The following KAZN variants were observed in gnomAD, a reference collection of about 807,000 sequenced individuals.
KAZN encodes kazrin, periplakin interacting protein.
A neutral mutation model predicts 87.4 loss-of-function variants in KAZN; 40 were observed. That is an observed-to-expected ratio of 0.46 (90% confidence interval 0.36 to 0.60). The LOEUF (loss-of-function observed/expected upper bound fraction) is 0.60, where lower values mean the gene tolerates loss of function less well. KAZN is among the 20% of genes least tolerant of loss of function. The pLI is 0.00. For synonymous variants in KAZN, 466 were observed against 458.3 expected (o/e 1.02, Z -0.22); for missense variants, 898 against 1,073.9 (o/e 0.84, Z 2.29).
intron 8 of KAZN, among the ~76,000 whole-genome samples, chr1:15,068,991 T>A (rs1639388749): frequency 6.6e-6 from 1 of 151,136 alleles, no homozygotes; most frequent in African/African-American, 2.4e-5. Flanking sequence ...CTTAGGGCCA[T>A]CTACCCCAGC....
intron 1 of KAZN, among the ~76,000 whole-genome samples, chr1:14,640,600 G>C (rs1456840142): frequency 6.6e-6 from 1 of 152,056 alleles, no homozygotes; most frequent in Non-Finnish European, 1.5e-5. Context: ...CACTCTGCAG[G>C]GTCCTTAGCA....
chr1:15,094,971 A>G lies in KAZN; in HGVS notation c.1547+38A>G, dbSNP rs1024327152. On this transcript the variant is annotated intron_variant, in intron 10 of 14. Transcript: ENST00000376030. This position sits in a 1 kb window ranked among gnomAD's most constrained non-coding sequence, Gnocchi z 4.5. The stretch of plus-strand genomic sequence containing the variant: ...CGAGGGGCCCCGGGGGAGGAGAGAA[A>G]AAGTCATCCTGAGGCCTTTGGTCAC... The G allele has an allele frequency of 4.9e-6, 7 of 1,438,986 alleles. No individual in the cohort carries two copies. Among genetic ancestry groups the G allele is most frequent in the African/African-American group, 1.4e-5 (1 of 70,752 alleles). 89.1% of individuals were successfully genotyped at this position (1,438,986 alleles called of 1,614,324 possible). A position where few individuals can be genotyped will look rare whatever the true frequency, so the allele number is the denominator to read the frequency against.
chr1:15,109,948 T>TTTGTGC (rs879320065), intron 13 of KAZN, among the ~76,000 whole-genome samples: 3 of 150,912 alleles, frequency 2.0e-5, no homozygotes, highest in African/African-American at 7.3e-5. Context: ...TGTGTTTGTG[T>TTTGTGC]ATGTGTTTGT....
intron 1 of KAZN, among the ~76,000 whole-genome samples, chr1:14,179,751 T>C (rs1344082864): frequency 1.3e-5 from 2 of 152,214 alleles, no homozygotes; most frequent in African/African-American, 2.4e-5. Context: ...GTTCTAGTTT[T>C]TGGGGAGATG....
chr1:14,699,567 T>C (rs962475122), intron 1 of KAZN, among the ~76,000 whole-genome samples: 1 of 152,114 alleles, frequency 6.6e-6, no homozygotes, highest in African/African-American at 2.4e-5. Flanking sequence ...TTATAGGCTG[T>C]AGAAGTTACA....
chr1:14,537,257 C>G (rs903082858), intron 2 of KAZN, among the ~76,000 whole-genome samples: 1 of 152,168 alleles, frequency 6.6e-6, no homozygotes, highest in Non-Finnish European at 1.5e-5. Context: ...CCTGCTGAAC[C>G]CATGCAGGCT....
At chr1:14,466,660 T>TA (rs566876952) in intron 2 of KAZN, among the ~76,000 whole-genome samples, 8,582 of 130,296 alleles carry the variant, frequency 0.066, 369 homozygotes, top group East Asian at 0.19. Context: ...AAACTAAATT[T>TA]AAAAAAAAAA....
rs564102728 is a variant in KAZN at position 14,654,953 on chromosome 1, C to T, written c.226+55730C>T. On this transcript the variant is annotated intron_variant, in intron 1 of 14. Transcript: ENST00000376030. ...TGGAGCAGCTGTTCATTTTGTTGAA[C>T]AAGAGTAGCTGGGGGGCCCACTGAC... Among the ~76,000 whole-genome samples, 3 of 152,318 alleles carry T rather than the reference C, an allele frequency of 2.0e-5. No individual in the cohort carries two copies. The East Asian group carries it at 5.8e-4, about 29-fold the overall frequency.
chr1:14,584,534 T>G (rs1355615259), intron 2 of KAZN, among the ~76,000 whole-genome samples: 3 of 152,212 alleles, frequency 2.0e-5, no homozygotes, highest in Non-Finnish European at 4.4e-5. Context: ...AACCAGTGCT[T>G]GCCAAGTTTC....
rs184425124 is a variant in KAZN, at chr1:14,463,713, C to T, written c.250-135270C>T. ...AAAAAATGAGATGAAATCCAGGCAC[C>T]GTCCTCAGCCCAAGCGTCTCTCAGG... On this transcript the variant is annotated intron_variant, in intron 2 of 16. Transcript: ENST00000636203. Among the ~76,000 whole-genome samples the T allele has an allele frequency of 2.3e-4, 35 of 152,158 alleles. No individual in the cohort carries two copies. The South Asian group carries it at 4.4e-3, about 19-fold the overall frequency.
At chr1:14,211,633 G>T (rs970311408) in intron 2 of KAZN, among the ~76,000 whole-genome samples, 6 of 152,128 alleles carry the variant, frequency 3.9e-5, no homozygotes, top group African/African-American at 1.4e-4. Flanking sequence ...TGTCTTGTAT[G>T]GGCTTGAGAG....
chr1:14,977,136 G>A (rs190643231), intron 2 of KAZN, among the ~76,000 whole-genome samples: 1 of 152,224 alleles, frequency 6.6e-6, no homozygotes, highest in Non-Finnish European at 1.5e-5. Flanking sequence ...GAGTCCTCGG[G>A]GCGGTGATTC....
At chr1:14,683,807 G>A (rs1572216828) in intron 1 of KAZN, among the ~76,000 whole-genome samples, 1 of 152,136 alleles carries the variant, frequency 6.6e-6, no homozygotes, top group East Asian at 1.9e-4. Flanking sequence ...TGTATCCTCA[G>A]CATTGCTGAG....
chr1:14,354,492 G>A (rs1213301611), intron 2 of KAZN, among the ~76,000 whole-genome samples: 2 of 152,096 alleles, frequency 1.3e-5, no homozygotes, highest in Non-Finnish European at 2.9e-5. Flanking sequence ...CAGTACAAAT[G>A]AGCAAAATAC....
At chr1:15,076,383 C>T (rs149225533) in intron 8 of KAZN, among the ~76,000 whole-genome samples, 55 of 152,350 alleles carry the variant, frequency 3.6e-4, no homozygotes, top group African/African-American at 1.3e-3. Context: ...GCCTCGGCTT[C>T]GGAGCTAGAT....
rs72862540 is a variant in KAZN, at chr1:14,100,308, C to T, written c.92-80127C>T. On this transcript the variant is annotated intron_variant, in intron 1 of 16. Transcript: ENST00000636203. ...TGAATGTGGAACTGGGATTGAAATC[C>T]GCAGCTCGACCTCAGATATGTCCCT... 2.3e-4 allele frequency among the ~76,000 whole-genome samples: 35 copies of T among 152,228 alleles called. 1 individual carries two copies. Among genetic ancestry groups the T allele is most frequent in the African/African-American group, 7.9e-4 (33 of 41,542 alleles).
chr1:14,021,046 C>T (rs185210288), intron 1 of KAZN, among the ~76,000 whole-genome samples: 5 of 152,190 alleles, frequency 3.3e-5, no homozygotes, highest in Non-Finnish European at 7.3e-5. Flanking sequence ...TAACTCTTAG[C>T]CAAGCCAGGT....
Position 14,059,670 on chromosome 1 carries a change from C to T in KAZN, c.92-120765C>T, listed in dbSNP as rs564595319. Among the ~76,000 whole-genome samples, 4 of 152,310 alleles carry T rather than the reference C, an allele frequency of 2.6e-5. No homozygotes were observed. The South Asian group carries it at 6.2e-4, about 24-fold the overall frequency. On this transcript the variant is annotated intron_variant, in intron 1 of 16. Transcript: ENST00000636203. ...GCATCCTGCAATCCATTCAAGTTGA[C>T]AACTAATATTAACCATCACATCTAG...
chr1:14,381,041 C>A (rs965419905), intron 2 of KAZN, among the ~76,000 whole-genome samples: 1 of 152,170 alleles, frequency 6.6e-6, no homozygotes, highest in African/African-American at 2.4e-5. Context: ...CCTTCTGAGG[C>A]AGAGGAGTCT....
Sources: allele counts gnomAD v4.1 joint callset (sites outside exome capture counted in the v4.1 genomes callset), GRCh38; gene constraint gnomAD v4.1.1; non-coding constraint Gnocchi (gnomAD v3.1); transcripts MANE v1.5; gene names NCBI Gene and HGNC (gene_info 2026-07-23, HGNC 2026-07-21).